VTI1A: variants seen among roughly 807,000 people sequenced by gnomAD.
VTI1A encodes vesicle transport through interaction with t-SNAREs homolog 1A.
Under a neutral mutation model 34.9 loss-of-function variants are expected in VTI1A, and 22 were observed. That is an observed-to-expected ratio of 0.63 (90% CI 0.45 to 0.90). The LOEUF (loss-of-function observed/expected upper bound fraction) is 0.90. Among genes scored for constraint, VTI1A ranks in the 40% least tolerant of loss-of-function variants. The probability of loss-of-function intolerance (pLI) is 0.00; values close to 1 mark genes in which losing one functional copy is unlikely to be tolerated. For synonymous variants in VTI1A, 87 were observed against 97.3 expected (o/e 0.89, Z 0.62); for missense variants, 268 against 275.6 (o/e 0.97, Z 0.20).
rs187194669 is a variant in VTI1A, at chr10:112,817,464, T to C, written c.*2081T>C. ...TTTTTTCGTTCAAGTTCTATGTCTT[T>C]ATCAGCTCTTGCCTGTGATTTTACC... On this transcript the variant is annotated 3_prime_UTR_variant, in exon 8 of 8. Coordinates refer to ENST00000393077, the MANE Select transcript of VTI1A (RefSeq NM_145206.4). 57 of 230,940 alleles carry C rather than the reference T, an allele frequency of 2.5e-4. No homozygotes were observed. Among genetic ancestry groups the C allele is most frequent in the Non-Finnish European group, 5.1e-5 (6 of 116,648 alleles). The allele number at this position is 230,940 out of a possible 1,614,324, so 14.3% of individuals were successfully genotyped here. A position where few individuals can be genotyped will look rare whatever the true frequency, so the allele number is the denominator to read the frequency against.
At chr10:112,707,108 T>G (rs1482234657) in intron 7 of VTI1A, among the ~76,000 whole-genome samples, 2 of 152,188 alleles carry the variant, frequency 1.3e-5, no homozygotes, top group Non-Finnish European at 2.9e-5. Flanking sequence ...AAAACTCCCT[T>G]TAAGCCTCAT....
At chr10:112,743,206 G>A (rs1056261440) in intron 7 of VTI1A, among the ~76,000 whole-genome samples, 4 of 152,198 alleles carry the variant, frequency 2.6e-5, no homozygotes, top group East Asian at 3.9e-4. Context: ...GAGGTTAAAC[G>A]TACCATCCCA....
chr10:112,482,200 CATAAT>C (rs1848481968), intron 3 of VTI1A, among the ~76,000 whole-genome samples: 1 of 152,050 alleles, frequency 6.6e-6, no homozygotes. Context: ...AGTTTTTTAA[CATAAT>C]ATATTGATGA....
At chr10:112,700,878 G>A (rs1339636024) in intron 7 of VTI1A, among the ~76,000 whole-genome samples, 1 of 152,188 alleles carries the variant, frequency 6.6e-6, no homozygotes, top group Non-Finnish European at 1.5e-5. Context: ...TTGGTTAAAT[G>A]CAAGGCCATA....
At chr10:112,827,915 T>G in the VTI1A span, among the ~76,000 whole-genome samples, 1 of 151,376 alleles carries the variant, frequency 6.6e-6, no homozygotes, top group South Asian at 2.1e-4. Flanking sequence ...GAATGCAGGT[T>G]TTTATTTTTC....
intron 3 of VTI1A, among the ~76,000 whole-genome samples, chr10:112,482,439 G>C (rs1420655022): frequency 6.6e-6 from 1 of 152,038 alleles, no homozygotes; most frequent in African/African-American, 2.4e-5. Context: ...ATCTGAGAGG[G>C]CTTTCTCCCT....
intron 7 of VTI1A, among the ~76,000 whole-genome samples, chr10:112,709,428 G>A (rs866201239): frequency 2.6e-5 from 4 of 152,204 alleles, no homozygotes; most frequent in Non-Finnish European, 5.9e-5. Context: ...TCTCTGCAAT[G>A]CAGCCTCTAC....
chr10:112,572,854 A>C (rs943486809), intron 5 of VTI1A, among the ~76,000 whole-genome samples: 1 of 152,126 alleles, frequency 6.6e-6, no homozygotes, highest in African/African-American at 2.4e-5. Context: ...AAAAAAAAAA[A>C]AAAAAGAAAT....
At chr10:112,688,521 CTTT>C (rs59853999) in intron 7 of VTI1A, among the ~76,000 whole-genome samples, 1 of 116,408 alleles carries the variant, frequency 8.6e-6, no homozygotes, top group Non-Finnish European at 1.7e-5. Flanking sequence ...CAATTTTTTT[CTTT>C]TTTTTTTTTT....
chr10:112,598,230 G>C (rs74158744), intron 5 of VTI1A, among the ~76,000 whole-genome samples: 3,353 of 152,276 alleles, frequency 0.022, 132 homozygotes, highest in African/African-American at 0.076. Context: ...ATTTTTGGCT[G>C]TCTTCAGCTT....
At chr10:112,832,299 A>G in the VTI1A span, 1 of 152,236 alleles carries the variant, frequency 6.6e-6, no homozygotes, top group Non-Finnish European at 1.5e-5. Flanking sequence ...AAAATGTGAA[A>G]AAGACCTCTG....
chr10:112,706,100 C>G (rs778987517), intron 7 of VTI1A, among the ~76,000 whole-genome samples: 6 of 152,138 alleles, frequency 3.9e-5, no homozygotes, highest in Non-Finnish European at 8.8e-5. Flanking sequence ...ATTTTCGTAG[C>G]CAATATTTGA....
intron 3 of VTI1A, among the ~76,000 whole-genome samples, chr10:112,491,181 C>A (rs2134124910): frequency 6.6e-6 from 1 of 152,214 alleles, no homozygotes; most frequent in Admixed American, 6.5e-5. Context: ...AAAAAATGTA[C>A]TCTAAAAAAA....
At chr10:112,828,849 A>G in the VTI1A span, among the ~76,000 whole-genome samples, 1 of 144,378 alleles carries the variant, frequency 6.9e-6, no homozygotes, top group East Asian at 2.0e-4. Context: ...TGGGTCTCAA[A>G]AAAGAAAAAA....
At chr10:112,792,781 A>C (rs1852530692) in intron 7 of VTI1A, among the ~76,000 whole-genome samples, 1 of 152,156 alleles carries the variant, frequency 6.6e-6, no homozygotes, top group Non-Finnish European at 1.5e-5. Flanking sequence ...TTAGAAAAAA[A>C]GTTTTTTTGA....
At chr10:112,664,457 AT>A (rs1847573655) in intron 5 of VTI1A, among the ~76,000 whole-genome samples, 1 of 152,128 alleles carries the variant, frequency 6.6e-6, no homozygotes, top group African/African-American at 2.4e-5. Flanking sequence ...TGGTATTATT[AT>A]TTTATGAGTG....
chr10:112,751,355 C>T (rs1276367563), intron 7 of VTI1A, among the ~76,000 whole-genome samples: 2 of 151,932 alleles, frequency 1.3e-5, no homozygotes, highest in Non-Finnish European at 2.9e-5. Context: ...AGTAGACCAC[C>T]GCCATTTCTG....
At chr10:112,747,899 A>G (rs980887787) in intron 7 of VTI1A, among the ~76,000 whole-genome samples, 1 of 152,162 alleles carries the variant, frequency 6.6e-6, no homozygotes, top group African/African-American at 2.4e-5. Flanking sequence ...CCACACTCAT[A>G]TGGCCCGGCT....
intron 7 of VTI1A, among the ~76,000 whole-genome samples, chr10:112,814,297 G>A (rs542286734): frequency 6.6e-6 from 1 of 152,164 alleles, no homozygotes; most frequent in Non-Finnish European, 1.5e-5. Flanking sequence ...AGGAGGGTTG[G>A]ATGGGGTTTG....
Sources: gnomAD v4.1 joint callset for allele counts (sites outside exome capture counted in the v4.1 genomes callset) on GRCh38, gnomAD v4.1.1 for gene constraint, MANE v1.5 for transcripts, NCBI Gene and HGNC (gene_info 2026-07-23, HGNC 2026-07-21) for gene names.